The following ADAM12 variants were observed in gnomAD, a reference collection of about 807,000 sequenced individuals.
ADAM12 encodes disintegrin and metalloproteinase domain-containing protein 12.
In ADAM12, 70 loss-of-function variants were observed where a neutral mutation model predicts 106.4. That is an observed-to-expected ratio of 0.66 (90% CI 0.54 to 0.80). The LOEUF is 0.80. ADAM12 is among the 30% of genes least tolerant of loss of function. The probability of loss-of-function intolerance (pLI) is 0.00; values close to 1 mark genes in which losing one functional copy is unlikely to be tolerated. For synonymous variants in ADAM12, 420 were observed against 433.5 expected, an observed-to-expected ratio of 0.97 and a Z score of 0.39; for missense variants, 1,010 against 1,171.9, an observed-to-expected ratio of 0.86 and a Z score of 2.02.
At chr10:126,263,508 A>G (rs74161626) in intron 3 of ADAM12, among the ~76,000 whole-genome samples, 5,098 of 152,052 alleles carry the variant, frequency 0.034, 292 homozygotes, top group African/African-American at 0.11. Flanking sequence ...AGTAACAGGC[A>G]TGCATCATAC....
At chr10:126,209,821 G>A (rs1351558383) in intron 3 of ADAM12, among the ~76,000 whole-genome samples, 1 of 152,142 alleles carries the variant, frequency 6.6e-6, no homozygotes, top group Non-Finnish European at 1.5e-5. Context: ...AAGCCTATGA[G>A]CACTAAGTTC....
intron 2 of ADAM12, among the ~76,000 whole-genome samples, chr10:126,305,456 G>C (rs1960803221): frequency 1.3e-5 from 2 of 152,048 alleles, no homozygotes; most frequent in Admixed American, 6.5e-5. Flanking sequence ...GTTACTTGAA[G>C]CCAGAGTTGA....
intron 5 of ADAM12, among the ~76,000 whole-genome samples, chr10:126,126,055 A>C (rs955535931): frequency 1.3e-5 from 2 of 152,116 alleles, no homozygotes; most frequent in Admixed American, 6.5e-5. Context: ...TGAGAGACTA[A>C]ATTTCTGTTG....
At position 126,101,008 on chromosome 10, in the gene ADAM12, G is replaced by A; in HGVS notation, c.911+64C>T. 3 of 1,572,462 alleles carry A rather than the reference G, an allele frequency of 1.9e-6. No individual in the cohort carries two copies. The South Asian group carries it at 3.5e-5, about 18-fold the overall frequency. ...TGGCAGCTCCTGGGGCTGTGCAGGT[G>A]AAACGAAGGGCTTCGCCGAGAGCAC... On this transcript the variant is annotated intron_variant, in intron 9 of 22. Transcript: ENST00000448723.
chr10:126,137,867 T>G (rs959402184), intron 4 of ADAM12, among the ~76,000 whole-genome samples: 2 of 152,256 alleles, frequency 1.3e-5, no homozygotes, highest in African/African-American at 4.8e-5. Context: ...TTTGTAAGGA[T>G]GTGTTTCCAG....
intron 8 of ADAM12, among the ~76,000 whole-genome samples, chr10:126,108,366 G>A (rs747934003): frequency 2.0e-5 from 3 of 152,146 alleles, no homozygotes; most frequent in Non-Finnish European, 2.9e-5. Context: ...AAGAGAGCCT[G>A]GAGGAAGACA....
At chr10:126,119,853 G>A (rs1296193275) in intron 5 of ADAM12, among the ~76,000 whole-genome samples, 1 of 152,198 alleles carries the variant, frequency 6.6e-6, no homozygotes, top group African/African-American at 2.4e-5. Flanking sequence ...TCGGCCTGCA[G>A]CTTGGTTTTC....
chr10:126,114,463 C>T (rs919318403), intron 6 of ADAM12, among the ~76,000 whole-genome samples: 2 of 152,090 alleles, frequency 1.3e-5, no homozygotes, highest in Admixed American at 6.6e-5. Context: ...GCCCCGTTCC[C>T]CACCAAGCGG....
intron 3 of ADAM12, among the ~76,000 whole-genome samples, chr10:126,157,033 G>T (rs1471425420): frequency 6.6e-6 from 1 of 151,672 alleles, no homozygotes; most frequent in Non-Finnish European, 1.5e-5. Context: ...GTGTGTGTGT[G>T]GGGGGGTGCT....
Position 126,386,178 on chromosome 10 carries a change from G to A in ADAM12, c.88+1880C>T, listed in dbSNP as rs147813157. ...TGTTACTGGGTTCAGGAAGGCTGGGGAGGGAATGATTTGCAACTAGAGAGT... is the reference window on the plus strand; with the variant it reads ...TGTTACTGGGTTCAGGAAGGCTGGGAAGGGAATGATTTGCAACTAGAGAGT... On this transcript the variant is annotated intron_variant, in intron 1 of 22. Coordinates refer to ENST00000448723, the MANE Select transcript of ADAM12 (RefSeq NM_001288973.2). 2.8e-4 allele frequency among the ~76,000 whole-genome samples: 42 copies of A among 152,234 alleles called. No individual in the cohort carries two copies. The East Asian group carries it at 7.5e-3, about 27-fold the overall frequency.
At chr10:126,311,611 G>A (rs11244949) in intron 2 of ADAM12, among the ~76,000 whole-genome samples, 28,345 of 152,072 alleles carry the variant, frequency 0.19, 2,763 homozygotes, top group Middle Eastern at 0.26. Flanking sequence ...ATCCTCTGGG[G>A]AGGGGAGAGG....
chr10:126,198,989 G>C (rs1016148771), intron 3 of ADAM12, among the ~76,000 whole-genome samples: 1 of 152,138 alleles, frequency 6.6e-6, no homozygotes, highest in African/African-American at 2.4e-5. Context: ...AGGTAGGCTT[G>C]AGCAGAAGGC....
At chr10:126,095,533 CAAAAAAAAAAAAA>C (rs11396229) in intron 10 of ADAM12, among the ~76,000 whole-genome samples, 1 of 46,576 alleles carries the variant, frequency 2.1e-5, no homozygotes, top group Non-Finnish European at 3.4e-5. Flanking sequence ...GACTCTGTCT[CAAAAAAAAAAAAA>C]AAAAAAAAAA....
In ADAM12 at chr10:126,343,564, A is replaced by G. The variant is rs1855019812; in HGVS notation, c.89-13055T>C. ...TACCCAGTAATGGGATGGCTGGGTC[A>G]AATGGTATTTCTAGTTCTAGATCCC... On this transcript the variant is annotated intron_variant, in intron 1 of 22. Coordinates refer to ENST00000448723, the MANE Select transcript of ADAM12 (RefSeq NM_001288973.2). Among the ~76,000 whole-genome samples the G allele has an allele frequency of 1.3e-5, 2 of 152,206 alleles. 1 individual carries two copies. Among genetic ancestry groups the G allele is most frequent in the South Asian group, 4.1e-4 (2 of 4,834 alleles).
chr10:126,079,589 C>T (rs938330000), intron 11 of ADAM12, among the ~76,000 whole-genome samples: 13 of 152,238 alleles, frequency 8.5e-5, no homozygotes, highest in Middle Eastern at 3.4e-3. Flanking sequence ...GTTAATGATC[C>T]AGGTGATTTT....
intron 3 of ADAM12, among the ~76,000 whole-genome samples, chr10:126,254,435 TG>T (rs1162984804): frequency 6.6e-6 from 1 of 152,226 alleles, no homozygotes; most frequent in Non-Finnish European, 1.5e-5. Flanking sequence ...ACCTGCGGTC[TG>T]GTCAGCTTCA....
At chr10:126,269,440 C>A (rs1301322768) in intron 3 of ADAM12, among the ~76,000 whole-genome samples, 1 of 152,094 alleles carries the variant, frequency 6.6e-6, no homozygotes, top group East Asian at 1.9e-4. Context: ...TTGTCATAAG[C>A]AATCAATGAA....
At chr10:126,217,833 A>G (rs1565145634) in intron 3 of ADAM12, among the ~76,000 whole-genome samples, 1 of 151,672 alleles carries the variant, frequency 6.6e-6, no homozygotes, top group Non-Finnish European at 1.5e-5. Context: ...AAATTAGCTG[A>G]GCGTGGTGGC....
intron 3 of ADAM12, among the ~76,000 whole-genome samples, chr10:126,260,500 G>A (rs1234733347): frequency 6.6e-6 from 1 of 152,102 alleles, no homozygotes; most frequent in Admixed American, 6.6e-5. Context: ...GGACTACTGG[G>A]GAAAAGAGTA....
Sources: allele counts gnomAD v4.1 joint callset (sites outside exome capture counted in the v4.1 genomes callset), GRCh38; gene constraint gnomAD v4.1.1; transcripts MANE v1.5; gene names NCBI Gene and HGNC (gene_info 2026-07-23, HGNC 2026-07-21).